Variants in SLC22A23 observed in about 807,000 individuals in gnomAD.
SLC22A23 encodes ion transporter protein.
SLC22A23 carries 26 observed loss-of-function variants against 61.0 expected under a neutral mutation model. That is an observed-to-expected ratio of 0.43 (90% confidence interval 0.31 to 0.59). SLC22A23 has a LOEUF of 0.59. SLC22A23 is among the 20% of genes least tolerant of loss of function. SLC22A23 has a pLI of 0.11. For missense variants in SLC22A23, 796 were observed against 934.7 expected (o/e 0.85, Z 1.94); for synonymous variants, 430 against 413.9 (o/e 1.04, Z -0.47).
chr6:3,409,238 G>A (rs1284020062), intron 3 of SLC22A23, among the ~76,000 whole-genome samples: 2 of 152,148 alleles, frequency 1.3e-5, no homozygotes, highest in Non-Finnish European at 2.9e-5. Flanking sequence ...GGCCAACTAC[G>A]GATCTAGAAG....
intron 3 of SLC22A23, among the ~76,000 whole-genome samples, chr6:3,403,527 T>C (rs971643782): frequency 6.6e-6 from 1 of 152,168 alleles, no homozygotes; most frequent in African/African-American, 2.4e-5. Flanking sequence ...CCATTAATCT[T>C]ACCCTATCAC....
In SLC22A23 at chr6:3,271,667, A is replaced by G. The variant is rs866382383; in HGVS notation, c.*1388T>C. On this transcript the variant is annotated 3_prime_UTR_variant, in exon 10 of 10. Coordinates refer to ENST00000406686, the MANE Select transcript of SLC22A23 (RefSeq NM_015482.2). ...GGCTGTCCAGAAAAGCTGGTGCCCA[A>G]GTTGCTACAAAGTGGTGCCTGCCCT... 5 of 152,358 alleles carry G rather than the reference A, an allele frequency of 3.3e-5. No homozygotes were observed. Among genetic ancestry groups the G allele is most frequent in the Admixed American group, 6.5e-5 (1 of 15,282 alleles). 9.4% of individuals were successfully genotyped at this position (152,358 alleles called of 1,614,324 possible).
At chr6:3,420,118 A>G (rs1770015527) in intron 1 of SLC22A23, among the ~76,000 whole-genome samples, 1 of 151,688 alleles carries the variant, frequency 6.6e-6, no homozygotes, top group Admixed American at 6.6e-5. Flanking sequence ...GACCAGGGAC[A>G]TTCATGATGA....
At position 3,269,513 on chromosome 6, in the gene SLC22A23, A is replaced by G. The variant is rs1581564078; in HGVS notation, c.*3542T>C. On this transcript the variant is annotated 3_prime_UTR_variant, in exon 10 of 10. Coordinates refer to ENST00000406686, the MANE Select transcript of SLC22A23 (RefSeq NM_015482.2). ...TACATTTACATACAAATTTTCCCCA[A>G]AGGTACAACAGATGCGACACCATGC... 1 of 152,968 alleles carries G rather than the reference A, an allele frequency of 6.5e-6. No individual in the cohort carries two copies. The highest frequency in any genetic ancestry group is 1.9e-4 in the East Asian group (1 of 5,332). The allele number at this position is 152,968 out of a possible 1,614,324, so 9.5% of individuals were successfully genotyped here.
chr6:3,327,366 A>C lies in SLC22A23; in HGVS notation c.914-3364T>G, dbSNP rs2127404834. Among the ~76,000 whole-genome samples the C allele has an allele frequency of 6.6e-6, 1 of 152,366 alleles. No homozygotes were observed. Among genetic ancestry groups the C allele is most frequent in the Admixed American group, 6.5e-5 (1 of 15,310 alleles). On this transcript the variant is annotated intron_variant, in intron 3 of 9. Transcript: ENST00000406686. The surrounding 1 kb of genome is among the most constrained non-coding windows in gnomAD (Gnocchi z 4.1). ...AATCAATTTCTTTGCCAATGGAACC[A>C]AACCCAAATCCTTTTAGTAGATTTT...
At chr6:3,415,640 C>G (rs1769642324) in intron 2 of SLC22A23, 112 bp downstream of exon 2, 1 of 741,436 alleles carries the variant, frequency 1.3e-6, no homozygotes, top group South Asian at 1.9e-5. Flanking sequence ...GCCTTCTGCT[C>G]TGGCACTGGG....
At chr6:3,402,331 G>A (rs899310308) in intron 3 of SLC22A23, among the ~76,000 whole-genome samples, 1 of 152,050 alleles carries the variant, frequency 6.6e-6, no homozygotes, top group Non-Finnish European at 1.5e-5. Context: ...TCAGTGGCCT[G>A]CCACTACCTT....
At position 3,272,732 on chromosome 6, in the gene SLC22A23, T is replaced by A. The variant is rs998717615; in HGVS notation, c.*323A>T. On this transcript the variant is annotated 3_prime_UTR_variant, in exon 10 of 10. Transcript: ENST00000406686. ...CACTGTGGCATCTTCCCAGAGCAACTGCGTCTCGCTGCCCAGGGAGGTGAT... is the reference window on the plus strand; with the variant it reads ...CACTGTGGCATCTTCCCAGAGCAACAGCGTCTCGCTGCCCAGGGAGGTGAT... The A allele has an allele frequency of 1.0e-5, 2 of 197,790 alleles. No homozygotes were observed. Among genetic ancestry groups the A allele is most frequent in the African/African-American group, 4.7e-5 (2 of 42,482 alleles). 12.3% of individuals were successfully genotyped at this position (197,790 alleles called of 1,614,324 possible). A position where few individuals can be genotyped will look rare whatever the true frequency, so the allele number is the denominator to read the frequency against.
chr6:3,416,140 G>A (rs1331227561), intron 1 of SLC22A23, among the ~76,000 whole-genome samples: 1 of 152,230 alleles, frequency 6.6e-6, no homozygotes, highest in Non-Finnish European at 1.5e-5. Flanking sequence ...ACCACCACGG[G>A]AAATGTAAAC....
intron 9 of SLC22A23, among the ~76,000 whole-genome samples, chr6:3,280,987 TGG>T (rs1759425102): frequency 6.6e-6 from 1 of 151,906 alleles, no homozygotes; most frequent in African/African-American, 2.4e-5. Flanking sequence ...GCTGCCGGAG[TGG>T]GCAGGGCAGG....
intron 3 of SLC22A23, among the ~76,000 whole-genome samples, chr6:3,370,799 C>A (rs1048549536): frequency 1.3e-5 from 2 of 152,244 alleles, no homozygotes; most frequent in Non-Finnish European, 2.9e-5. Context: ...CAGGACATCA[C>A]GACTCACTTC....
At chr6:3,285,281 A>T (rs577463948) in intron 7 of SLC22A23, among the ~76,000 whole-genome samples, 170 bp from the exon 8 acceptor site, 2 of 152,352 alleles carry the variant, frequency 1.3e-5, no homozygotes, top group African/African-American at 4.8e-5. Flanking sequence ...AGTGGAATTC[A>T]TACTGCGCTA....
At chr6:3,290,067 C>T (rs1278704882) in intron 5 of SLC22A23, 3 of 593,932 alleles carry the variant, frequency 5.1e-6, no homozygotes, top group African/African-American at 1.9e-5. Context: ...CTTTGCAGTT[C>T]AGGTTTCGCT....
rs1259076617 is a variant in SLC22A23, at chr6:3,342,820, A to G, written c.914-18818T>C. On this transcript the variant is annotated intron_variant, in intron 3 of 9. Coordinates refer to ENST00000406686, the MANE Select transcript of SLC22A23 (RefSeq NM_015482.2). The surrounding 1 kb of genome is among the most constrained non-coding windows in gnomAD (Gnocchi z 4.0). ...GACAAAAGACAGGCTGGCAAGAGGA[A>G]AGACAAAGTTTAATCACATATGTAT... 6.6e-6 allele frequency among the ~76,000 whole-genome samples: 1 copy of G among 152,198 alleles called. No homozygotes were observed. The highest frequency in any genetic ancestry group is 2.4e-5 in the African/African-American group (1 of 41,432).
intron 3 of SLC22A23, among the ~76,000 whole-genome samples, chr6:3,407,854 A>G (rs1205088735): frequency 6.6e-6 from 1 of 152,244 alleles, no homozygotes; most frequent in African/African-American, 2.4e-5. Context: ...AAATAACACA[A>G]ATTATGGAGG....
chr6:3,360,086 G>A lies in SLC22A23; in HGVS notation c.914-36084C>T, dbSNP rs1252257518. Reference sequence around the variant, plus strand: ...AAATTCATAGAAACAGAAAGTAGAAGGGTGGCTGCTCGGGACTAAGGGATG... The same window carrying A: ...AAATTCATAGAAACAGAAAGTAGAAAGGTGGCTGCTCGGGACTAAGGGATG... On this transcript the variant is annotated intron_variant, in intron 3 of 9. Transcript: ENST00000406686. This position sits in a 1 kb window ranked among gnomAD's most constrained non-coding sequence, Gnocchi z 4.6. 6.6e-6 allele frequency among the ~76,000 whole-genome samples: 1 copy of A among 152,142 alleles called. No homozygotes were observed. The highest frequency in any genetic ancestry group is 1.5e-5 in the Non-Finnish European group (1 of 68,022).
chr6:3,351,710 C>A (rs1474203045), intron 3 of SLC22A23, among the ~76,000 whole-genome samples: 1 of 152,216 alleles, frequency 6.6e-6, no homozygotes, highest in African/African-American at 2.4e-5. Context: ...CCCAGCCACA[C>A]TGTACCACAG....
At chr6:3,338,149 G>A (rs1240378771) in intron 3 of SLC22A23, among the ~76,000 whole-genome samples, 5 of 152,166 alleles carry the variant, frequency 3.3e-5, no homozygotes, top group Non-Finnish European at 5.9e-5. Flanking sequence ...GAAGCCCGAA[G>A]CCTTTTCCTT....
At chr6:3,302,579 T>G (rs1371291410) in intron 4 of SLC22A23, among the ~76,000 whole-genome samples, 1 of 152,226 alleles carries the variant, frequency 6.6e-6, no homozygotes, top group Non-Finnish European at 1.5e-5. Flanking sequence ...TGCTATAAAC[T>G]TGCCTGTTAA....
Sources: gnomAD v4.1 joint callset for allele counts (sites outside exome capture counted in the v4.1 genomes callset) on GRCh38, gnomAD v4.1.1 for gene constraint, Gnocchi (gnomAD v3.1) non-coding constraint, MANE v1.5 for transcripts, NCBI Gene and HGNC (gene_info 2026-07-23, HGNC 2026-07-21) for gene names.